Variants in DPP10 observed in about 807,000 individuals in gnomAD.
The protein encoded by DPP10 is inactive dipeptidyl peptidase 10.
In DPP10, 33 loss-of-function variants were observed where a neutral mutation model predicts 120.9. The ratio of observed to expected loss-of-function variants is 0.27; its 90% CI spans 0.21 to 0.37. DPP10 has a LOEUF of 0.37. Among genes scored for constraint, DPP10 ranks in the 10% least tolerant of loss-of-function variants. The pLI is 1.00. For missense variants in DPP10, 816 were observed against 942.8 expected, an observed-to-expected ratio of 0.87 and a Z score of 1.76; for synonymous variants, 337 against 326.1, an observed-to-expected ratio of 1.03 and a Z score of -0.36.
At chr2:115,834,415 C>T (rs1689238707) in intron 21 of DPP10, among the ~76,000 whole-genome samples, 1 of 152,064 alleles carries the variant, frequency 6.6e-6, no homozygotes, top group African/African-American at 2.4e-5. Context: ...TTTAATACCT[C>T]CCAAGATGTT....
chr2:114,975,926 C>T (rs11680155), intron 1 of DPP10, among the ~76,000 whole-genome samples: 38,880 of 152,066 alleles, frequency 0.26, 5,049 homozygotes, highest in East Asian at 0.35. Context: ...ACTGGGATTA[C>T]AGATGTGAGC....
chr2:115,427,028 A>T (rs1018351451), intron 3 of DPP10, among the ~76,000 whole-genome samples: 1 of 152,236 alleles, frequency 6.6e-6, no homozygotes, highest in African/African-American at 2.4e-5. Flanking sequence ...TGCAGGCCCC[A>T]TGCAAGTTCA....
chr2:115,330,791 GTTTTGGTAC>G (rs1425280291), intron 2 of DPP10, among the ~76,000 whole-genome samples: 5 of 152,138 alleles, frequency 3.3e-5, no homozygotes, highest in African/African-American at 1.2e-4. Flanking sequence ...CTATATCTCT[GTTTTGGTAC>G]GAGTACCATG....
chr2:115,073,100 A>G (rs1489905865), intron 1 of DPP10, among the ~76,000 whole-genome samples: 1 of 152,208 alleles, frequency 6.6e-6, no homozygotes, highest in Admixed American at 6.5e-5. Flanking sequence ...ATTTTCTTTA[A>G]GATAGAAATA....
At chr2:115,769,622 G>A (rs1681211268) in intron 13 of DPP10, among the ~76,000 whole-genome samples, 1 of 151,850 alleles carries the variant, frequency 6.6e-6, no homozygotes, top group Admixed American at 6.6e-5. Context: ...TGTATAATGT[G>A]ATCCTATTTA....
chr2:115,020,032 A>C (rs1163759662), intron 1 of DPP10, among the ~76,000 whole-genome samples: 1 of 152,254 alleles, frequency 6.6e-6, no homozygotes, highest in African/African-American at 2.4e-5. Flanking sequence ...ATCTTAAAAC[A>C]AATCCTCAAA....
intron 1 of DPP10, among the ~76,000 whole-genome samples, chr2:114,792,018 G>A (rs1374622469): frequency 6.6e-6 from 1 of 152,152 alleles, no homozygotes; most frequent in South Asian, 2.1e-4. Flanking sequence ...AGACACGAAT[G>A]TTGGCAAAAG....
chr2:115,629,344 C>T (rs1290612661), intron 5 of DPP10, among the ~76,000 whole-genome samples: 11 of 151,966 alleles, frequency 7.2e-5, no homozygotes, highest in Non-Finnish European at 1.5e-4. Flanking sequence ...AATGGGATGG[C>T]TGGGTCAAAT....
intron 1 of DPP10, among the ~76,000 whole-genome samples, chr2:114,952,568 C>T (rs66764634): frequency 0.11 from 16,032 of 150,768 alleles, 1,059 homozygotes; most frequent in East Asian, 0.25. Flanking sequence ...TATGAAACTT[C>T]GATCTCTAAA....
chr2:114,501,455 C>T (rs1293041215), intron 1 of DPP10, among the ~76,000 whole-genome samples: 1 of 152,102 alleles, frequency 6.6e-6, no homozygotes, highest in Non-Finnish European at 1.5e-5. Context: ...ATAATATAGA[C>T]ATCTGCTCCC....
At chr2:115,835,646 AT>A (rs1174385092) in intron 21 of DPP10, among the ~76,000 whole-genome samples, 1 of 152,156 alleles carries the variant, frequency 6.6e-6, no homozygotes, top group Non-Finnish European at 1.5e-5. Context: ...GTGCAGCCTT[AT>A]TTTGGGGTGA....
chr2:115,815,022 A>T (rs138823457), intron 20 of DPP10, 35 bp downstream of exon 20: 1 of 1,555,836 alleles, frequency 6.4e-7, no homozygotes, highest in Admixed American at 1.7e-5. Flanking sequence ...TCTGTTTTCT[A>T]TAATGACAGA....
At chr2:114,571,449 A>T (rs1251290458) in intron 1 of DPP10, among the ~76,000 whole-genome samples, 2 of 152,122 alleles carry the variant, frequency 1.3e-5, no homozygotes, top group Admixed American at 1.3e-4. Flanking sequence ...ACCGTGAGCC[A>T]ATTAAACCTC....
chr2:114,876,000 A>AT (rs1372200039), intron 1 of DPP10, among the ~76,000 whole-genome samples: 1 of 152,076 alleles, frequency 6.6e-6, no homozygotes, highest in African/African-American at 2.4e-5. Flanking sequence ...TGCCTTGGTC[A>AT]TTTTTTAGAG....
intron 9 of DPP10, among the ~76,000 whole-genome samples, chr2:115,740,335 T>G (rs1677098191): frequency 6.6e-6 from 1 of 152,056 alleles, no homozygotes; most frequent in East Asian, 1.9e-4. Context: ...GCACTTAATG[T>G]GCTATATGTT....
At chr2:115,782,682 C>T (rs935063813) in intron 17 of DPP10, among the ~76,000 whole-genome samples, 1 of 152,060 alleles carries the variant, frequency 6.6e-6, no homozygotes, top group Non-Finnish European at 1.5e-5. Flanking sequence ...TACATTTTAG[C>T]TTACTGGCCT....
intron 19 of DPP10, among the ~76,000 whole-genome samples, chr2:115,802,609 C>A (rs1389180420): frequency 2.6e-5 from 4 of 152,126 alleles, no homozygotes; most frequent in African/African-American, 7.2e-5. Flanking sequence ...TGAATGTGTC[C>A]CAGAGATTCT....
At chr2:115,821,599 G>T (rs1157095851) in intron 21 of DPP10, among the ~76,000 whole-genome samples, 1 of 151,786 alleles carries the variant, frequency 6.6e-6, no homozygotes, top group Non-Finnish European at 1.5e-5. Context: ...AAATTTAAAT[G>T]TTACTGTTTT....
intron 5 of DPP10, among the ~76,000 whole-genome samples, chr2:115,535,488 C>G (rs1219702727): frequency 1.3e-5 from 2 of 151,616 alleles, no homozygotes; most frequent in African/African-American, 2.4e-5. Context: ...GTTTTGGTAC[C>G]ACTACCATGC....
Sources: gnomAD v4.1 joint callset for allele counts (sites outside exome capture counted in the v4.1 genomes callset) on GRCh38, gnomAD v4.1.1 for gene constraint, MANE v1.5 for transcripts, NCBI Gene and HGNC (gene_info 2026-07-23, HGNC 2026-07-21) for gene names.